The following CACNA2D1 variants were observed in gnomAD, a reference collection of about 807,000 sequenced individuals.
CACNA2D1 encodes the protein calcium voltage-gated channel auxiliary subunit alpha2delta 1.
A neutral mutation model predicts 171.5 loss-of-function variants in CACNA2D1; 53 were observed. That is an observed-to-expected ratio of 0.31 (90% CI 0.25 to 0.39). The LOEUF is 0.39. CACNA2D1 is among the 10% of genes least tolerant of loss of function. The pLI is 1.00. For missense variants in CACNA2D1, 903 were observed against 1,299.8 expected, an observed-to-expected ratio of 0.69 and a Z score of 4.69; for synonymous variants, 442 against 443.1, an observed-to-expected ratio of 1.00 and a Z score of 0.03.
Position 82,186,215 on chromosome 7 carries a change from G to A in CACNA2D1, c.295-15606C>T, listed in dbSNP as rs1446315490. ...AGGGAGGGAGGGAGGGAGGGAGGGA[G>A]GGAAAGAGAGAGAGAGAAGGAAGGA... On this transcript the variant is annotated intron_variant, in intron 3 of 38. Transcript: ENST00000356860. Among the ~76,000 whole-genome samples, 40 of 133,908 alleles carry A rather than the reference G, an allele frequency of 3.0e-4. 1 individual carries two copies. The East Asian group carries it at 6.4e-3, about 21-fold the overall frequency. 87.8% of individuals were successfully genotyped at this position (133,908 alleles called of 152,430 possible).
intron 3 of CACNA2D1, among the ~76,000 whole-genome samples, chr7:82,297,204 C>T (rs1338510802): frequency 6.6e-6 from 1 of 151,772 alleles, no homozygotes; most frequent in Non-Finnish European, 1.5e-5. Context: ...TGAGCAAGGT[C>T]GTGCCACTGC....
At chr7:82,170,868 T>A (rs547861015) in intron 3 of CACNA2D1, among the ~76,000 whole-genome samples, 2 of 152,238 alleles carry the variant, frequency 1.3e-5, no homozygotes, top group East Asian at 3.9e-4. Flanking sequence ...TCAGCTATAG[T>A]GTCCTCTATG....
chr7:82,180,261 C>G (rs546819274), intron 3 of CACNA2D1, among the ~76,000 whole-genome samples: 1 of 152,172 alleles, frequency 6.6e-6, no homozygotes, highest in Admixed American at 6.5e-5. Context: ...TGGCAGACCC[C>G]TTTAGATGAC....
At chr7:82,383,383 C>T (rs1472730528) in intron 1 of CACNA2D1, among the ~76,000 whole-genome samples, 1 of 152,076 alleles carries the variant, frequency 6.6e-6, no homozygotes, top group Non-Finnish European at 1.5e-5. Context: ...CATATTCAGC[C>T]CTTCTAGGGG....
At chr7:82,284,807 C>A (rs1054629721) in intron 3 of CACNA2D1, among the ~76,000 whole-genome samples, 1 of 152,112 alleles carries the variant, frequency 6.6e-6, no homozygotes, top group East Asian at 1.9e-4. Flanking sequence ...AACATTCAGG[C>A]CATAGGAATA....
intron 3 of CACNA2D1, among the ~76,000 whole-genome samples, chr7:82,295,466 G>A (rs1200551832): frequency 6.6e-6 from 1 of 151,420 alleles, no homozygotes; most frequent in East Asian, 2.0e-4. Flanking sequence ...CCTCCCCAGT[G>A]GCTGAGATTA....
chr7:82,263,727 C>T (rs964098218), intron 3 of CACNA2D1, among the ~76,000 whole-genome samples: 5 of 152,066 alleles, frequency 3.3e-5, no homozygotes, highest in African/African-American at 9.7e-5. Flanking sequence ...TATTATCCAT[C>T]ATTATTGGCC....
chr7:81,974,595 AC>A (rs1303028628), intron 24 of CACNA2D1, 43 bp from the exon 25 acceptor site: 1 of 1,039,742 alleles, frequency 9.6e-7, no homozygotes, highest in East Asian at 2.5e-5. Flanking sequence ...TAAAATCAAA[AC>A]TTTACAGGGT....
chr7:82,194,570 ACAT>A (rs937393302), intron 3 of CACNA2D1, among the ~76,000 whole-genome samples: 1 of 151,922 alleles, frequency 6.6e-6, no homozygotes, highest in Non-Finnish European at 1.5e-5. Context: ...CCAAGCTGAA[ACAT>A]TCTAAGTTTT....
intron 1 of CACNA2D1, among the ~76,000 whole-genome samples, chr7:82,422,067 T>C (rs1828765234): frequency 6.6e-6 from 1 of 152,168 alleles, no homozygotes. Flanking sequence ...TGAGGCAACA[T>C]CTGGCTTTAA....
chr7:82,089,218 A>G (rs1273406614), intron 6 of CACNA2D1, among the ~76,000 whole-genome samples: 1 of 152,168 alleles, frequency 6.6e-6, no homozygotes, highest in Admixed American at 6.5e-5. Flanking sequence ...GCTTCAGATG[A>G]GATTAGAAGT....
At chr7:82,277,525 G>A (rs1191513391) in intron 3 of CACNA2D1, among the ~76,000 whole-genome samples, 1 of 151,834 alleles carries the variant, frequency 6.6e-6, no homozygotes, top group Non-Finnish European at 1.5e-5. Context: ...ATACAACAAT[G>A]GCTATAGACT....
intron 32 of CACNA2D1, among the ~76,000 whole-genome samples, chr7:81,965,346 A>C (rs1398267108): frequency 2.0e-5 from 3 of 151,958 alleles, no homozygotes; most frequent in Non-Finnish European, 4.4e-5. Context: ...TTAAAAGTTC[A>C]TGTCATGCTA....
At chr7:82,064,267 T>A (rs774863236) in intron 9 of CACNA2D1, 37 bp downstream of exon 9, 1 of 1,380,840 alleles carries the variant, frequency 7.2e-7, no homozygotes, top group Non-Finnish European at 1.0e-6. Flanking sequence ...TCCTCCCATA[T>A]TCTCAATATA....
intron 3 of CACNA2D1, among the ~76,000 whole-genome samples, chr7:82,314,031 C>T (rs1814794686): frequency 6.6e-6 from 1 of 152,036 alleles, no homozygotes; most frequent in South Asian, 2.1e-4. Flanking sequence ...ATATCCAGTG[C>T]TTCTCTGGGA....
chr7:82,149,796 A>AAAAAAAAAAAAAAAAGAAAAG (rs1793595825), intron 4 of CACNA2D1, among the ~76,000 whole-genome samples: 1 of 136,774 alleles, frequency 7.3e-6, no homozygotes, highest in Non-Finnish European at 1.6e-5. Flanking sequence ...ACAAACAACA[A>AAAAAAAAAAAAAAAAGAAAAG]AAAAAAAAAC....
At chr7:82,241,946 C>T (rs544732557) in intron 3 of CACNA2D1, among the ~76,000 whole-genome samples, 2 of 152,066 alleles carry the variant, frequency 1.3e-5, no homozygotes, top group East Asian at 1.9e-4. Context: ...CTATAAGAGC[C>T]GACTGATGAT....
chr7:82,326,941 A>T (rs1319098111), intron 3 of CACNA2D1, among the ~76,000 whole-genome samples: 1 of 152,150 alleles, frequency 6.6e-6, no homozygotes, highest in Non-Finnish European at 1.5e-5. Context: ...AGTCTTTTTC[A>T]TTCTATTAAG....
chr7:82,260,028 G>T (rs1198738511), intron 3 of CACNA2D1, among the ~76,000 whole-genome samples: 1 of 152,128 alleles, frequency 6.6e-6, no homozygotes, highest in African/African-American at 2.4e-5. Context: ...TTCGAGACCA[G>T]CCTGGCCAAC....
Sources: gnomAD v4.1 joint callset for allele counts (sites outside exome capture counted in the v4.1 genomes callset) on GRCh38, gnomAD v4.1.1 for gene constraint, MANE v1.5 for transcripts, NCBI Gene and HGNC (gene_info 2026-07-23, HGNC 2026-07-21) for gene names.